The following FGD6 variants were observed in gnomAD, a reference collection of about 807,000 sequenced individuals.
FGD6 encodes the protein FYVE, RhoGEF and PH domain-containing protein 6.
FGD6 carries 90 observed loss-of-function variants against 149.4 expected under a neutral mutation model. The ratio of observed to expected loss-of-function variants is 0.60; its 90% confidence interval spans 0.51 to 0.72. FGD6 has a LOEUF of 0.72. FGD6 is among the 30% of genes least tolerant of loss of function. The probability of loss-of-function intolerance (pLI) is 0.00; values close to 1 mark genes in which losing one functional copy is unlikely to be tolerated. For synonymous variants in FGD6, 527 were observed against 584.0 expected (o/e 0.90, Z 1.41); for missense variants, 1,437 against 1,684.8 (o/e 0.85, Z 2.57).
intron 2 of FGD6, among the ~76,000 whole-genome samples, chr12:95,186,644 C>T (rs1358732827): frequency 6.6e-6 from 1 of 152,050 alleles, no homozygotes; most frequent in Non-Finnish European, 1.5e-5. Flanking sequence ...TGCTTTTGCA[C>T]TACATTGGCA....
At chr12:95,083,034 C>CAT (rs1877749045) in intron 20 of FGD6, among the ~76,000 whole-genome samples, 1 of 69,684 alleles carries the variant, frequency 1.4e-5, no homozygotes, top group Non-Finnish European at 2.7e-5. Context: ...TATATATACA[C>CAT]ACACATACAC....
intron 1 of FGD6, 37 bp downstream of exon 1, chr12:95,217,188 C>G: frequency 6.2e-7 from 1 of 1,612,038 alleles, no homozygotes; most frequent in Non-Finnish European, 8.5e-7. Flanking sequence ...GCGCTCGCCA[C>G]AAACTTTCCC....
At chr12:95,099,941 TCTTTAAC>T (rs1455247194) in intron 14 of FGD6, among the ~76,000 whole-genome samples, 1 of 152,070 alleles carries the variant, frequency 6.6e-6, no homozygotes, top group African/African-American at 2.4e-5. Flanking sequence ...TCTTGCTGTT[TCTTTAAC>T]ATACTATACC....
intron 1 of FGD6, among the ~76,000 whole-genome samples, chr12:95,213,819 C>T (rs2136306343): frequency 6.6e-6 from 1 of 152,230 alleles, no homozygotes; most frequent in African/African-American, 2.4e-5. Context: ...TACATAAAAC[C>T]CTCAACGCAT....
At chr12:95,184,340 G>C (rs1282720527) in intron 2 of FGD6, among the ~76,000 whole-genome samples, 3 of 152,206 alleles carry the variant, frequency 2.0e-5, no homozygotes, top group Non-Finnish European at 4.4e-5. Context: ...GGGGAGGTTA[G>C]TCATTGCTCA....
intron 14 of FGD6, among the ~76,000 whole-genome samples, chr12:95,097,915 A>T (rs1878293477): frequency 6.6e-6 from 1 of 152,198 alleles, no homozygotes; most frequent in Admixed American, 6.5e-5. Flanking sequence ...AAATTACCTT[A>T]TGTAAGTAGC....
At chr12:95,204,099 A>C (rs1032197662) in intron 2 of FGD6, among the ~76,000 whole-genome samples, 1 of 152,186 alleles carries the variant, frequency 6.6e-6, no homozygotes, top group Non-Finnish European at 1.5e-5. Context: ...TCTCATAACT[A>C]TACTCCCAAA....
chr12:95,100,992 C>A, intron 14 of FGD6: 2 of 357,144 alleles, frequency 5.6e-6, no homozygotes, highest in South Asian at 5.4e-5. Context: ...TTATCTCTCT[C>A]CAGCTGACAG....
In FGD6 at chr12:95,198,600, C is replaced by T. The variant is rs1402190049; in HGVS notation, c.2441+10243G>A. Among the ~76,000 whole-genome samples, 21 of 152,092 alleles carry T rather than the reference C, an allele frequency of 1.4e-4. 1 individual carries two copies. Among genetic ancestry groups the T allele is most frequent in the Admixed American group, 5.9e-4 (9 of 15,266 alleles). ...GACTACAGGGGCCCGCCACCACGCC[C>T]GGCTAATTTTTTGTATTTTTAGTAG... On this transcript the variant is annotated intron_variant, in intron 2 of 20. Coordinates refer to ENST00000343958, the MANE Select transcript of FGD6 (RefSeq NM_018351.4).
At chr12:95,111,021 C>A (rs1435149092) in intron 9 of FGD6, among the ~76,000 whole-genome samples, 1 of 152,098 alleles carries the variant, frequency 6.6e-6, no homozygotes, top group Admixed American at 6.6e-5. Flanking sequence ...CTTGCTCTGT[C>A]GCCCAGGCTA....
intron 2 of FGD6, among the ~76,000 whole-genome samples, chr12:95,182,114 G>A (rs373967085): frequency 2.6e-5 from 4 of 151,866 alleles, no homozygotes; most frequent in South Asian, 2.1e-4. Context: ...CCTACTTGAT[G>A]CCAGAAAAAA....
At chr12:95,202,377 A>G (rs1450022556) in intron 2 of FGD6, among the ~76,000 whole-genome samples, 1 of 149,022 alleles carries the variant, frequency 6.7e-6, no homozygotes, top group Non-Finnish European at 1.5e-5. Context: ...ACACAGTGAG[A>G]CTCCATTTCC....
Position 95,210,436 on chromosome 12 carries a change from A to C in FGD6, c.848T>G (p.Leu283Ter), listed in dbSNP as rs944538020. 6.2e-7 allele frequency: 1 copy of C among 1,614,106 alleles called. No individual in the cohort carries two copies. Among genetic ancestry groups the C allele is most frequent in the Non-Finnish European group, 8.5e-7 (1 of 1,180,024 alleles). The change falls in exon 2 of 21, where the codon TTA becomes TGA. Residue 283 changes from leucine to a stop codon, truncating the protein, a stop_gained. Coordinates refer to ENST00000343958, the MANE Select transcript of FGD6 (RefSeq NM_018351.4). LOFTEE classifies it high-confidence loss of function. ...EALENGKRST[L>*]ISSDGVSKKS... is the part of the protein sequence containing the mutation. ...CTTACTAACTCCATCTGAAGATATT[A>C]AAGTACTCCTTTTCCCATTTTCCAG...
chr12:95,105,696 T>C (rs1240307386), intron 13 of FGD6, among the ~76,000 whole-genome samples: 1 of 152,186 alleles, frequency 6.6e-6, no homozygotes, highest in African/African-American at 2.4e-5. Context: ...CATTAATGCA[T>C]GAGTGAACAA....
At chr12:95,082,708 AT>A (rs1321730728) in intron 20 of FGD6, among the ~76,000 whole-genome samples, 3 of 150,916 alleles carry the variant, frequency 2.0e-5, no homozygotes, top group Non-Finnish European at 2.9e-5. Context: ...TCTTTCCAAA[AT>A]TCTTTAGTCT....
At chr12:95,181,610 T>C (rs1294000701) in intron 2 of FGD6, among the ~76,000 whole-genome samples, 2 of 152,222 alleles carry the variant, frequency 1.3e-5, no homozygotes, top group Non-Finnish European at 2.9e-5. Flanking sequence ...AACTTTCTTG[T>C]TAATACAAAT....
intron 6 of FGD6, 34 bp from the exon 7 acceptor site, chr12:95,137,712 A>C: frequency 6.8e-7 from 1 of 1,479,324 alleles, no homozygotes; most frequent in Non-Finnish European, 9.1e-7. Context: ...AAAAAAATAT[A>C]AAGAGAGATT....
At chr12:95,169,011 A>G (rs750947411) in intron 3 of FGD6, among the ~76,000 whole-genome samples, 3 of 152,240 alleles carry the variant, frequency 2.0e-5, no homozygotes, top group Non-Finnish European at 4.4e-5. Context: ...CTATTCTATT[A>G]GTGCTATTGT....
rs1198381315 is a variant in FGD6 at position 95,089,563 on chromosome 12, A to C, written c.3978+6T>G. 3.5e-5 allele frequency: 57 copies of C among 1,612,952 alleles called. No homozygotes were observed. Among genetic ancestry groups the C allele is most frequent in the Non-Finnish European group, 4.7e-5 (55 of 1,179,402 alleles). The stretch of plus-strand genomic sequence containing the variant: ...ATCACATTGCAAATTTAATGGAAAC[A>C]CTTACTTCTTTGAGAGCAGCTGGGA... On this transcript the variant is annotated splice_donor_region_variant and intron_variant, in intron 18 of 20. Coordinates refer to ENST00000343958, the MANE Select transcript of FGD6 (RefSeq NM_018351.4).
Sources: allele counts gnomAD v4.1 joint callset (sites outside exome capture counted in the v4.1 genomes callset), GRCh38; gene constraint gnomAD v4.1.1; transcripts MANE v1.5; gene names NCBI Gene and HGNC (gene_info 2026-07-23, HGNC 2026-07-21).